The following KSR2 variants were observed in gnomAD, a reference collection of about 807,000 sequenced individuals.
KSR2 encodes kinase suppressor of ras 2.
A neutral mutation model predicts 107.8 loss-of-function variants in KSR2; 25 were observed. The observed-to-expected ratio is 0.23, with a 90% CI of 0.17 to 0.32. The LOEUF is 0.32. KSR2 is among the 10% of genes least tolerant of loss of function. The pLI, the probability that KSR2 is intolerant of heterozygous loss-of-function variation, is 1.00. For synonymous variants in KSR2, 480 were observed against 507.0 expected, an observed-to-expected ratio of 0.95 and a Z score of 0.71; for missense variants, 887 against 1,268.9, an observed-to-expected ratio of 0.70 and a Z score of 4.57.
intron 3 of KSR2, among the ~76,000 whole-genome samples, chr12:117,770,894 G>A (rs1889425126): frequency 6.7e-6 from 1 of 149,508 alleles, no homozygotes; most frequent in South Asian, 2.1e-4. Flanking sequence ...GGAGAATGGT[G>A]TGAACCCGGG....
intron 3 of KSR2, among the ~76,000 whole-genome samples, chr12:117,781,212 G>C (rs1453040109): frequency 6.6e-6 from 1 of 152,136 alleles, no homozygotes; most frequent in Non-Finnish European, 1.5e-5. Flanking sequence ...CGCCATGATC[G>C]TGAGGCCTCC....
chr12:117,455,038 G>GAC lies in KSR2; in HGVS notation c.*12160_*12161insGT, dbSNP rs1870535375. The GAC allele has an allele frequency of 7.1e-6, 1 of 139,910 alleles. No homozygotes were observed. The highest frequency in any genetic ancestry group is 7.1e-5 in the Admixed American group (1 of 14,112). The allele number at this position is 139,910 out of a possible 1,614,324, so 8.7% of individuals were successfully genotyped here. The stretch of plus-strand genomic sequence containing the variant: ...ACAGACACAGAGACAGACAGACAGA[G>GAC]AGAGAGAGAGAGAGAGAGAGAGAGA... On this transcript the variant is annotated 3_prime_UTR_variant, in exon 20 of 20. Transcript: ENST00000339824.
rs143590795 is a variant in KSR2 at position 117,519,415 on chromosome 12, C to T, written c.2219+5437G>A. ...TAAAACCCAGCTTGTTGGACACACCCGCAGAGGTTCTGATTCAGCGGGGGA... is the reference window on the plus strand; with the variant it reads ...TAAAACCCAGCTTGTTGGACACACCTGCAGAGGTTCTGATTCAGCGGGGGA... On this transcript the variant is annotated intron_variant, in intron 14 of 19. Coordinates refer to ENST00000339824, the MANE Select transcript of KSR2 (RefSeq NM_173598.6). 1.9e-4 allele frequency among the ~76,000 whole-genome samples: 29 copies of T among 152,302 alleles called. No homozygotes were observed. The East Asian group carries it at 3.7e-3, about 19-fold the overall frequency.
intron 5 of KSR2, among the ~76,000 whole-genome samples, chr12:117,635,683 A>G (rs759201041): frequency 2.0e-5 from 3 of 152,246 alleles, no homozygotes; most frequent in African/African-American, 7.2e-5. Flanking sequence ...GAAAAGTTGC[A>G]GAGATAGTAC....
intron 14 of KSR2, among the ~76,000 whole-genome samples, chr12:117,492,111 T>C (rs192085250): frequency 9.8e-5 from 15 of 152,352 alleles, no homozygotes; most frequent in Admixed American, 7.8e-4. Flanking sequence ...CTCCATCTTA[T>C]CTGCAGGCTA....
intron 4 of KSR2, among the ~76,000 whole-genome samples, chr12:117,758,244 G>GTTATC (rs1454241627): frequency 2.0e-5 from 3 of 152,122 alleles, no homozygotes; most frequent in Non-Finnish European, 2.9e-5. Context: ...TCTAATAATT[G>GTTATC]GGACTCACCT....
chr12:117,841,033 A>G (rs752404268), intron 3 of KSR2, among the ~76,000 whole-genome samples: 1 of 152,026 alleles, frequency 6.6e-6, no homozygotes, highest in Non-Finnish European at 1.5e-5. Context: ...TAACATACCA[A>G]TGTGGATGCA....
chr12:117,697,134 C>G (rs7303368), intron 4 of KSR2, among the ~76,000 whole-genome samples: 6 of 152,158 alleles, frequency 3.9e-5, no homozygotes, highest in East Asian at 1.9e-4. Context: ...TTTCCTCCCC[C>G]TCGAGATGGA....
chr12:117,700,444 A>C (rs183529446), intron 4 of KSR2, among the ~76,000 whole-genome samples: 8 of 152,314 alleles, frequency 5.3e-5, no homozygotes, highest in African/African-American at 1.9e-4. Flanking sequence ...TCCAGCCATG[A>C]TCTGACCACA....
chr12:117,765,968 C>T (rs1357023355), intron 3 of KSR2, among the ~76,000 whole-genome samples: 3 of 152,180 alleles, frequency 2.0e-5, no homozygotes, highest in Admixed American at 2.0e-4. Context: ...CAGGCATTCA[C>T]TATGCCAGCC....
chr12:117,776,698 C>T (rs1260275879), intron 3 of KSR2, among the ~76,000 whole-genome samples: 1 of 151,978 alleles, frequency 6.6e-6, no homozygotes, highest in Non-Finnish European at 1.5e-5. Context: ...AGGCACAATA[C>T]CCTGAACATC....
At chr12:117,630,604 T>C (rs1317484644) in intron 5 of KSR2, among the ~76,000 whole-genome samples, 1 of 152,084 alleles carries the variant, frequency 6.6e-6, no homozygotes, top group Non-Finnish European at 1.5e-5. Flanking sequence ...GGGAATGAAT[T>C]GGAAGAAGGC....
intron 3 of KSR2, among the ~76,000 whole-genome samples, chr12:117,819,203 C>T (rs188328478): frequency 4.3e-4 from 66 of 152,246 alleles, no homozygotes; most frequent in Middle Eastern, 3.4e-3. Context: ...AAGGATTGAC[C>T]ACCCAGAACA....
chr12:117,696,299 A>C (rs547637901), intron 4 of KSR2, among the ~76,000 whole-genome samples: 47 of 152,334 alleles, frequency 3.1e-4, no homozygotes, highest in African/African-American at 1.1e-3. Context: ...AAAGCAGTGG[A>C]CGGTGAACCC....
At chr12:117,522,538 G>C (rs185603626) in intron 14 of KSR2, among the ~76,000 whole-genome samples, 3 of 152,196 alleles carry the variant, frequency 2.0e-5, no homozygotes, top group Non-Finnish European at 4.4e-5. Context: ...GGGCCTCTCT[G>C]TAGTAAATCG....
intron 5 of KSR2, among the ~76,000 whole-genome samples, chr12:117,608,891 C>T (rs1279094124): frequency 2.0e-5 from 3 of 152,050 alleles, no homozygotes; most frequent in African/African-American, 4.8e-5. Context: ...TGGAAACAGA[C>T]TTGTACACAG....
intron 5 of KSR2, among the ~76,000 whole-genome samples, chr12:117,648,512 G>T (rs996191449): frequency 6.6e-6 from 1 of 152,196 alleles, no homozygotes; most frequent in Non-Finnish European, 1.5e-5. Context: ...GCAGGCTATG[G>T]ATATGAGGAT....
intron 3 of KSR2, among the ~76,000 whole-genome samples, chr12:117,806,869 T>C (rs1370775988): frequency 1.3e-5 from 2 of 152,218 alleles, no homozygotes; most frequent in African/African-American, 4.8e-5. Context: ...ATTGAGACAC[T>C]AGTGCTCGGT....
At chr12:117,967,212 A>G (rs1896824133) in intron 1 of KSR2, among the ~76,000 whole-genome samples, 1 of 151,888 alleles carries the variant, frequency 6.6e-6, no homozygotes, top group South Asian at 2.1e-4. Context: ...TAACTTTGCA[A>G]CCACCCTTCA....
Sources: allele counts gnomAD v4.1 joint callset (sites outside exome capture counted in the v4.1 genomes callset), GRCh38; gene constraint gnomAD v4.1.1; transcripts MANE v1.5; gene names NCBI Gene and HGNC (gene_info 2026-07-23, HGNC 2026-07-21).